The following BCHE variants were observed in gnomAD, a reference collection of about 807,000 sequenced individuals.
BCHE encodes cholinesterase.
A neutral mutation model predicts 51.3 loss-of-function variants in BCHE; 48 were observed. The ratio of observed to expected loss-of-function variants is 0.94; its 90% CI spans 0.74 to 1.19. The LOEUF (loss-of-function observed/expected upper bound fraction) is 1.19, where lower values mean the gene tolerates loss of function less well. Ranked by LOEUF, BCHE falls within the 50% of genes most tolerant of loss-of-function variation. BCHE has a pLI of 0.00. For missense variants in BCHE, 847 were observed against 708.2 expected (o/e 1.20, Z -2.23); for synonymous variants, 251 against 238.0 (o/e 1.05, Z -0.50).
chr3:165,833,355 C>G (rs58171956), intron 1 of BCHE, among the ~76,000 whole-genome samples: 246 of 152,164 alleles, frequency 1.6e-3, no homozygotes, highest in African/African-American at 5.7e-3. Context: ...AGTGTACTCA[C>G]GCAAACTTAG....
chr3:165,794,044 C>T (rs995601486), intron 2 of BCHE, among the ~76,000 whole-genome samples: 1 of 149,076 alleles, frequency 6.7e-6, no homozygotes, highest in African/African-American at 2.5e-5. Flanking sequence ...GACACTCCAT[C>T]TCAAATAAAA....
chr3:165,811,822 A>G (rs1393192411), intron 2 of BCHE, among the ~76,000 whole-genome samples: 1 of 152,052 alleles, frequency 6.6e-6, no homozygotes, highest in Non-Finnish European at 1.5e-5. Context: ...AATAATCAAA[A>G]CAGTAAATTT....
intron 2 of BCHE, among the ~76,000 whole-genome samples, chr3:165,798,091 G>A (rs186578106): frequency 1.2e-4 from 19 of 152,148 alleles, no homozygotes; most frequent in African/African-American, 4.6e-4. Context: ...CTGTTTTTTT[G>A]ACTCTTGTAG....
chr3:165,819,214 G>A (rs534219094), intron 2 of BCHE, among the ~76,000 whole-genome samples: 27 of 151,728 alleles, frequency 1.8e-4, no homozygotes, highest in African/African-American at 5.8e-4. Context: ...GAGTTGCTGG[G>A]ATTAAAAGCG....
intron 2 of BCHE, among the ~76,000 whole-genome samples, chr3:165,787,900 A>C (rs1713016413): frequency 6.6e-6 from 1 of 151,974 alleles, no homozygotes; most frequent in South Asian, 2.1e-4. Context: ...AGAAACTATA[A>C]AGTTTTTCAG....
chr3:165,777,531 A>T (rs1712517367), intron 3 of BCHE, among the ~76,000 whole-genome samples: 1 of 152,210 alleles, frequency 6.6e-6, no homozygotes, highest in Admixed American at 6.5e-5. Context: ...AATACTTAAG[A>T]TAGTTTGTGA....
At chr3:165,823,357 A>C (rs1023945714) in intron 2 of BCHE, among the ~76,000 whole-genome samples, 15 of 152,120 alleles carry the variant, frequency 9.9e-5, no homozygotes, top group African/African-American at 2.7e-4. Flanking sequence ...AACGGAGAGG[A>C]AAGTGTTGGA....
intron 2 of BCHE, among the ~76,000 whole-genome samples, chr3:165,791,506 G>C (rs551216378): frequency 1.1e-4 from 17 of 152,276 alleles, no homozygotes; most frequent in Non-Finnish European, 1.3e-4. Context: ...TTTGTAGGTA[G>C]AGCCATTACT....
intron 2 of BCHE, among the ~76,000 whole-genome samples, chr3:165,818,718 A>G (rs993626435): frequency 6.6e-6 from 1 of 152,172 alleles, no homozygotes; most frequent in Non-Finnish European, 1.5e-5. Flanking sequence ...GAAAAGAACA[A>G]CAATACCATC....
intron 3 of BCHE, among the ~76,000 whole-genome samples, chr3:165,779,917 A>AT (rs1005948134): frequency 6.6e-6 from 1 of 152,168 alleles, no homozygotes; most frequent in Non-Finnish European, 1.5e-5. Flanking sequence ...TCTACTTTAA[A>AT]TTTAATATGT....
chr3:165,789,744 T>C (rs1313529810), intron 2 of BCHE, among the ~76,000 whole-genome samples: 1 of 152,124 alleles, frequency 6.6e-6, no homozygotes, highest in African/African-American at 2.4e-5. Context: ...TAGATTCCAT[T>C]CCATGTCACT....
At chr3:165,833,054 A>G (rs1715048901) in intron 1 of BCHE, among the ~76,000 whole-genome samples, 2 of 152,106 alleles carry the variant, frequency 1.3e-5, no homozygotes, top group African/African-American at 4.8e-5. Context: ...ATGTATATGC[A>G]TATATATTTA....
chr3:165,834,433 G>T (rs1272439075), intron 1 of BCHE, among the ~76,000 whole-genome samples: 2 of 151,962 alleles, frequency 1.3e-5, no homozygotes, highest in Non-Finnish European at 2.9e-5. Context: ...TAACTCATAT[G>T]TATTGTTGCA....
chr3:165,820,155 A>T (rs1254831384), intron 2 of BCHE, among the ~76,000 whole-genome samples: 1 of 151,844 alleles, frequency 6.6e-6, no homozygotes, highest in Non-Finnish European at 1.5e-5. Context: ...GAAATACTTG[A>T]TCAAACATAT....
chr3:165,784,642 A>C (rs963752096), intron 3 of BCHE, among the ~76,000 whole-genome samples: 1 of 151,912 alleles, frequency 6.6e-6, no homozygotes, highest in Admixed American at 6.6e-5. Context: ...GCAGGTAAGT[A>C]TTTGGAAATA....
At chr3:165,831,973 G>T (rs79961727) in intron 1 of BCHE, among the ~76,000 whole-genome samples, 3,400 of 152,172 alleles carry the variant, frequency 0.022, 48 homozygotes, top group Middle Eastern at 0.049. Flanking sequence ...AACTAGTGAA[G>T]CTAAATGTGT....
intron 3 of BCHE, among the ~76,000 whole-genome samples, chr3:165,780,713 A>G (rs1712662045): frequency 6.6e-6 from 1 of 152,210 alleles, no homozygotes; most frequent in Admixed American, 6.5e-5. Context: ...ACAATGAGAT[A>G]CCATCTCACA....
intron 2 of BCHE, among the ~76,000 whole-genome samples, chr3:165,825,768 GT>G (rs1315439755): frequency 6.6e-6 from 1 of 151,802 alleles, no homozygotes; most frequent in East Asian, 1.9e-4. Context: ...TGTTCTCATT[GT>G]TCAATTTCCA....
chr3:165,780,413 G>T (rs1454826900), intron 3 of BCHE, among the ~76,000 whole-genome samples: 3 of 151,998 alleles, frequency 2.0e-5, no homozygotes, highest in South Asian at 2.1e-4. Context: ...GACAAATAGG[G>T]TATAATTAAA....
Sources: gnomAD v4.1 joint callset for allele counts (sites outside exome capture counted in the v4.1 genomes callset) on GRCh38, gnomAD v4.1.1 for gene constraint, MANE v1.5 for transcripts, NCBI Gene and HGNC (gene_info 2026-07-23, HGNC 2026-07-21) for gene names.